Variants in RERE observed in about 807,000 individuals in gnomAD.
The protein encoded by RERE is arginine-glutamic acid dipeptide repeats.
Under a neutral mutation model 146.1 loss-of-function variants are expected in RERE, and 40 were observed. That is an observed-to-expected ratio of 0.27 (90% CI 0.21 to 0.36). The LOEUF (loss-of-function observed/expected upper bound fraction) is 0.36. Among genes scored for constraint, RERE ranks in the 10% least tolerant of loss-of-function variants. The pLI, the probability that RERE is intolerant of heterozygous loss-of-function variation, is 1.00. For missense variants in RERE, 1,933 were observed against 2,138.7 expected (o/e 0.90, Z 1.90); for synonymous variants, 1,003 against 866.0 (o/e 1.16, Z -2.78).
chr1:8,751,142 C>T (rs760361389), intron 1 of RERE: 9 of 348,754 alleles, frequency 2.6e-5, no homozygotes, highest in Non-Finnish European at 4.8e-5. Context: ...AACATCTGAG[C>T]ACACTTCCCA....
rs78083412 is a variant in RERE at position 8,664,179 on chromosome 1, C to A, written c.-144-7738G>T. The stretch of plus-strand genomic sequence containing the variant: ...GCAGCAAATTCAGGAGAGCATTTTC[C>A]TCATCATTATTTGATTATTCAGTAG... On this transcript the variant is annotated intron_variant, in intron 1 of 22. Transcript: ENST00000400908. 5.9e-3 allele frequency among the ~76,000 whole-genome samples: 903 copies of A among 152,296 alleles called. 7 individuals carry two copies. The highest frequency in any genetic ancestry group is 0.021 in the African/African-American group (877 of 41,548).
chr1:8,403,642 G>A (rs1227536871), intron 12 of RERE, among the ~76,000 whole-genome samples: 1 of 151,258 alleles, frequency 6.6e-6, no homozygotes, highest in East Asian at 2.0e-4. Flanking sequence ...CTGGGATTAC[G>A]AGCGTGAGCC....
rs1640626180 is a variant in RERE, at chr1:8,755,620, T to G, written c.-145+61540A>C. Among the ~76,000 whole-genome samples, 3 of 152,340 alleles carry G rather than the reference T, an allele frequency of 2.0e-5. No homozygotes were observed. The South Asian group carries it at 6.2e-4, about 32-fold the overall frequency. On this transcript the variant is annotated intron_variant, in intron 1 of 22. Transcript: ENST00000400908. ...ACTAAATAGTATGCCAAGTAGCACA[T>G]GGAACTGGGACAAAGAATACAAAAA...
chr1:8,463,384 T>C (rs1041541380), intron 11 of RERE, among the ~76,000 whole-genome samples: 23 of 152,310 alleles, frequency 1.5e-4, no homozygotes, highest in African/African-American at 5.1e-4. Context: ...CATTATTCCA[T>C]ACTCAAAATA....
intron 11 of RERE, among the ~76,000 whole-genome samples, chr1:8,443,466 A>G (rs930064746): frequency 1.3e-4 from 19 of 150,498 alleles, no homozygotes; most frequent in African/African-American, 4.2e-4. Context: ...AAAGAAAAAA[A>G]AAAAAAAAAA....
chr1:8,745,329 T>C (rs139349783), intron 1 of RERE, among the ~76,000 whole-genome samples: 16 of 152,332 alleles, frequency 1.1e-4, no homozygotes, highest in African/African-American at 3.1e-4. Context: ...TCCAGCTACA[T>C]AGAATTGGGA....
At chr1:8,651,598 G>T (rs116800257) in intron 2 of RERE, among the ~76,000 whole-genome samples, 2,305 of 151,978 alleles carry the variant, frequency 0.015, 60 homozygotes, top group African/African-American at 0.053. Context: ...CAGTGGCTTA[G>T]GCCTATAATC....
intron 1 of RERE, among the ~76,000 whole-genome samples, chr1:8,757,113 C>CAAAAAAAAAAAAAAAAAAAAAAAAA (rs1640658864): frequency 7.4e-6 from 1 of 135,346 alleles, no homozygotes; most frequent in Admixed American, 7.6e-5. Flanking sequence ...AAAAAAAAAG[C>CAAAAAAAAAAAAAAAAAAAAAAAAA]AAACCAGTTA....
chr1:8,357,541 G>A (rs1169408577), intron 20 of RERE, among the ~76,000 whole-genome samples: 1 of 152,202 alleles, frequency 6.6e-6, no homozygotes, highest in African/African-American at 2.4e-5. Context: ...CATGGAGCAG[G>A]TGAACCTGCC....
At chr1:8,611,733 A>T (rs1646795901) in intron 4 of RERE, among the ~76,000 whole-genome samples, 1 of 152,190 alleles carries the variant, frequency 6.6e-6, no homozygotes, top group African/African-American at 2.4e-5. Context: ...GCAGAGCCAC[A>T]CCCTTGACAA....
chr1:8,811,246 C>A (rs1641801475), intron 1 of RERE, among the ~76,000 whole-genome samples: 1 of 152,198 alleles, frequency 6.6e-6, no homozygotes, highest in Admixed American at 6.5e-5. Context: ...ATTCACCCCA[C>A]ACACACTGAG....
chr1:8,411,350 T>C (rs1429757942), intron 12 of RERE, among the ~76,000 whole-genome samples: 2 of 151,610 alleles, frequency 1.3e-5, no homozygotes, highest in Non-Finnish European at 2.9e-5. Flanking sequence ...GATGGGGTCT[T>C]GCTAGCTTGC....
chr1:8,474,640 A>G (rs997661033), intron 10 of RERE, among the ~76,000 whole-genome samples: 3 of 152,224 alleles, frequency 2.0e-5, no homozygotes, highest in African/African-American at 7.2e-5. Flanking sequence ...TAATGAACCC[A>G]TGAATTACAT....
chr1:8,597,883 G>T (rs950621730), intron 4 of RERE, among the ~76,000 whole-genome samples: 3 of 152,064 alleles, frequency 2.0e-5, no homozygotes, highest in Middle Eastern at 3.4e-3. Flanking sequence ...AGCTGTGACT[G>T]TGAGGATGGA....
In RERE at chr1:8,616,329, A is replaced by T. The variant is rs186088836; in HGVS notation, c.397-1643T>A. ...TCAAAACAAGTCATTGTTCTCACAT[A>T]CGAAATGAGAAAACTTTGACAGTAT... On this transcript the variant is annotated intron_variant, in intron 3 of 22. Transcript: ENST00000400908. 4.8e-3 allele frequency among the ~76,000 whole-genome samples: 725 copies of T among 152,310 alleles called. 4 individuals carry two copies. Among genetic ancestry groups the T allele is most frequent in the South Asian group, 0.022 (104 of 4,832 alleles).
In RERE at chr1:8,609,274, T is replaced by G. The variant is rs868603470; in HGVS notation, c.522+5287A>C. On this transcript the variant is annotated intron_variant, in intron 4 of 22. Coordinates refer to ENST00000400908, the MANE Select transcript of RERE (RefSeq NM_001042681.2). ...GACAATTAGCTTTTATGGGGACAAC[T>G]GCTCCAGGTGAAAGGAACAGAGCTG... Among the ~76,000 whole-genome samples the G allele has an allele frequency of 4.2e-4, 63 of 151,542 alleles. 1 individual carries two copies. The highest frequency in any genetic ancestry group is 4.6e-4 in the Admixed American group (7 of 15,236).
At chr1:8,722,271 T>C (rs547061636) in intron 1 of RERE, among the ~76,000 whole-genome samples, 1 of 152,340 alleles carries the variant, frequency 6.6e-6, no homozygotes, top group East Asian at 1.9e-4. Context: ...TACCTTCCCC[T>C]TGGCTATCAA....
intron 7 of RERE, among the ~76,000 whole-genome samples, chr1:8,540,314 A>G (rs1410925684): frequency 6.6e-6 from 1 of 152,060 alleles, no homozygotes; most frequent in Non-Finnish European, 1.5e-5. Flanking sequence ...TTGCCTAGCT[A>G]GGCTGGTCTC....
intron 11 of RERE, among the ~76,000 whole-genome samples, chr1:8,433,989 G>C (rs1644133185): frequency 6.6e-6 from 1 of 152,052 alleles, no homozygotes; most frequent in African/African-American, 2.4e-5. Flanking sequence ...TCTTCCAAAG[G>C]CCAAAGAGAA....
Sources: gnomAD v4.1 joint callset for allele counts (sites outside exome capture counted in the v4.1 genomes callset) on GRCh38, gnomAD v4.1.1 for gene constraint, MANE v1.5 for transcripts, NCBI Gene and HGNC (gene_info 2026-07-23, HGNC 2026-07-21) for gene names.